Variants in ZNF138 observed in about 807,000 individuals in gnomAD.
ZNF138 encodes the protein zinc finger protein 138.
A neutral mutation model predicts 33.0 loss-of-function variants in ZNF138; 33 were observed. The ratio of observed to expected loss-of-function variants is 1.00; its 90% CI spans 0.76 to 1.34. The LOEUF is 1.34. Ranked by LOEUF, ZNF138 falls within the 40% of genes most tolerant of loss-of-function variation. The pLI, the probability that ZNF138 is intolerant of heterozygous loss-of-function variation, is 0.00. For missense variants in ZNF138, 360 were observed against 370.8 expected, an observed-to-expected ratio of 0.97 and a Z score of 0.24; for synonymous variants, 139 against 120.4, an observed-to-expected ratio of 1.15 and a Z score of -1.01.
the ZNF138 span, among the ~76,000 whole-genome samples, chr7:64,860,715 A>C: frequency 6.6e-6 from 1 of 152,230 alleles, no homozygotes; most frequent in Non-Finnish European, 1.5e-5. Context: ...GCACAAACCC[A>C]GGAGGGTAGT....
chr7:64,840,942 G>A, the ZNF138 span, among the ~76,000 whole-genome samples: 1 of 151,954 alleles, frequency 6.6e-6, no homozygotes, highest in Admixed American at 6.6e-5. Context: ...TTTTAATAAG[G>A]TGACTTATTA....
chr7:64,841,317 T>C, the ZNF138 span, among the ~76,000 whole-genome samples: 85 of 152,334 alleles, frequency 5.6e-4, no homozygotes, highest in African/African-American at 2.0e-3. Flanking sequence ...TTTTTTGTTC[T>C]CATTATAATT....
chr7:64,836,935 A>T (rs955730139), downstream of ZNF138: 1 of 152,228 alleles, frequency 6.6e-6, no homozygotes, highest in African/African-American at 2.4e-5. Context: ...GGAGTCTGAG[A>T]GGGGGCTTGT....
chr7:64,821,989 G>C (rs1789195493), intron 3 of ZNF138, among the ~76,000 whole-genome samples: 2 of 138,850 alleles, frequency 1.4e-5, no homozygotes, highest in South Asian at 4.5e-4. Flanking sequence ...CGCGATCTCA[G>C]CTCACTGCAA....
chr7:64,813,342 C>T (rs1359425126), intron 1 of ZNF138, among the ~76,000 whole-genome samples: 1 of 152,058 alleles, frequency 6.6e-6, no homozygotes, highest in East Asian at 1.9e-4. Flanking sequence ...TAAGAGATCC[C>T]TGCTCTTTGG....
chr7:64,840,597 T>A, the ZNF138 span, among the ~76,000 whole-genome samples: 2 of 152,184 alleles, frequency 1.3e-5, no homozygotes, highest in Non-Finnish European at 2.9e-5. Context: ...TCTACACTTT[T>A]ACTTACTTTA....
Position 64,832,920 on chromosome 7 carries a change from A to C in ZNF138, c.*718A>C, listed in dbSNP as rs527968828. On this transcript the variant is annotated 3_prime_UTR_variant, in exon 4 of 4. Transcript: ENST00000307355. ...GATTCACACTTGAATGAAACCCTAC[A>C]AATGTGAACGATGTGGCAGTTGTTT... The C allele has an allele frequency of 5.1e-6, 2 of 389,450 alleles. No individual in the cohort carries two copies. Among genetic ancestry groups the C allele is most frequent in the African/African-American group, 4.2e-5 (2 of 48,004 alleles). The allele number at this position is 389,450 out of a possible 1,614,324, so 24.1% of individuals were successfully genotyped here. A position where few individuals can be genotyped will look rare whatever the true frequency, so the allele number is the denominator to read the frequency against.
chr7:64,795,698 A>C (rs1304977054), intron 1 of ZNF138, among the ~76,000 whole-genome samples: 1 of 150,312 alleles, frequency 6.7e-6, no homozygotes, highest in South Asian at 2.1e-4. Flanking sequence ...TTTTTTTTTA[A>C]ATCTTCCCTA....
chr7:64,799,701 T>G (rs1283577156), intron 1 of ZNF138, among the ~76,000 whole-genome samples: 1 of 152,186 alleles, frequency 6.6e-6, no homozygotes, highest in Non-Finnish European at 1.5e-5. Flanking sequence ...TGGAGTGCAA[T>G]GGTGCAATCT....
Position 64,794,485 on chromosome 7 carries a change from C to T in ZNF138, c.-84C>T. The T allele has an allele frequency of 6.3e-7, 1 of 1,596,908 alleles. No homozygotes were observed. Among genetic ancestry groups the T allele is most frequent in the Non-Finnish European group, 8.6e-7 (1 of 1,166,836 alleles). ...TTCACTTTTCTGCGTCCTCTTACTCCTAGAGGCCCAGCCTCTGTGGCGCTG... is the reference window on the plus strand; with the variant it reads ...TTCACTTTTCTGCGTCCTCTTACTCTTAGAGGCCCAGCCTCTGTGGCGCTG... On this transcript the variant is annotated 5_prime_UTR_variant, in exon 1 of 4. Transcript: ENST00000307355.
chr7:64,816,755 T>C (rs62456826), intron 3 of ZNF138, among the ~76,000 whole-genome samples: 3,989 of 152,328 alleles, frequency 0.026, 78 homozygotes, highest in South Asian at 0.089. Context: ...AGTTTTGCAT[T>C]GGTGCTTGTG....
chr7:64,849,440 TA>T, the ZNF138 span, among the ~76,000 whole-genome samples: 1 of 151,948 alleles, frequency 6.6e-6, no homozygotes. Flanking sequence ...GGTGGCGCTT[TA>T]AAGGGAGCAT....
the ZNF138 span, chr7:64,852,615 T>A: frequency 1.3e-6 from 2 of 1,501,324 alleles, no homozygotes; most frequent in Non-Finnish European, 9.3e-7. Flanking sequence ...CCGCCTGTCC[T>A]GTTGAGCCTC....
chr7:64,840,670 A>G, the ZNF138 span, among the ~76,000 whole-genome samples: 8 of 152,090 alleles, frequency 5.3e-5, no homozygotes, highest in South Asian at 2.1e-4. Flanking sequence ...AAAATTATTT[A>G]CAAGTATAAA....
At chr7:64,812,787 T>C (rs200690769) in intron 1 of ZNF138, among the ~76,000 whole-genome samples, 1 of 151,762 alleles carries the variant, frequency 6.6e-6, no homozygotes, top group Non-Finnish European at 1.5e-5. Context: ...AGGTGTAATT[T>C]GTCCAGAGAA....
chr7:64,817,285 A>G (rs1490937077), intron 3 of ZNF138, among the ~76,000 whole-genome samples: 1 of 149,538 alleles, frequency 6.7e-6, no homozygotes, highest in Non-Finnish European at 1.5e-5. Flanking sequence ...CCTCTGGAAG[A>G]GCAGGACCTC....
chr7:64,839,506 G>A, the ZNF138 span, among the ~76,000 whole-genome samples: 1 of 152,228 alleles, frequency 6.6e-6, no homozygotes, highest in East Asian at 1.9e-4. Flanking sequence ...AGTAAACTTG[G>A]GTCTCCTGGT....
intron 1 of ZNF138, among the ~76,000 whole-genome samples, chr7:64,805,508 G>A (rs1787523841): frequency 6.6e-6 from 1 of 152,194 alleles, no homozygotes; most frequent in African/African-American, 2.4e-5. Context: ...TGCAGTTCAG[G>A]CCTCACTCCG....
the ZNF138 span, among the ~76,000 whole-genome samples, chr7:64,857,701 A>C: frequency 6.6e-6 from 1 of 151,890 alleles, no homozygotes; most frequent in African/African-American, 2.4e-5. Context: ...TTTTATCAGT[A>C]AATTTAGAGA....
Sources: gnomAD v4.1 joint callset for allele counts (sites outside exome capture counted in the v4.1 genomes callset) on GRCh38, gnomAD v4.1.1 for gene constraint, MANE v1.5 for transcripts, NCBI Gene and HGNC (gene_info 2026-07-23, HGNC 2026-07-21) for gene names.